The following OTUD7A variants were observed in gnomAD, a reference collection of about 807,000 sequenced individuals.
OTUD7A encodes OTU deubiquitinase 7A, also known as OTU domain-containing protein 7A.
In OTUD7A, 12 loss-of-function variants were observed where a neutral mutation model predicts 65.7. That is an observed-to-expected ratio of 0.18 (90% confidence interval 0.12 to 0.30). OTUD7A has a LOEUF of 0.30. Ranked by LOEUF, OTUD7A falls within the 10% of genes least tolerant of loss-of-function variation. The pLI is 1.00. For synonymous variants in OTUD7A, 641 were observed against 586.3 expected, an observed-to-expected ratio of 1.09 and a Z score of -1.35; for missense variants, 1,148 against 1,304.8, an observed-to-expected ratio of 0.88 and a Z score of 1.85.
chr15:31,577,873 G>A (rs1889253675), intron 3 of OTUD7A, among the ~76,000 whole-genome samples: 1 of 149,372 alleles, frequency 6.7e-6, no homozygotes, highest in African/African-American at 2.5e-5. Flanking sequence ...CCTTGGAATC[G>A]GACAAGCTGA....
intron 2 of OTUD7A, among the ~76,000 whole-genome samples, chr15:31,656,191 A>G (rs1209225479): frequency 6.6e-6 from 1 of 152,248 alleles, no homozygotes; most frequent in Non-Finnish European, 1.5e-5. Flanking sequence ...GGCTGACTGT[A>G]GCAGCTGACT....
rs551790395 is a variant in OTUD7A, at chr15:31,629,929, A to G, written c.151+25167T>C. On this transcript the variant is annotated intron_variant, in intron 3 of 12. Coordinates refer to ENST00000307050, the MANE Select transcript of OTUD7A (RefSeq NM_001382637.1). ...TGGTAGTTTGTATTTCTGTGGGATCAGTGGTGATATCCCCTTTATCATTTT... is the reference window on the plus strand; with the variant it reads ...TGGTAGTTTGTATTTCTGTGGGATCGGTGGTGATATCCCCTTTATCATTTT... 9.8e-3 allele frequency among the ~76,000 whole-genome samples: 1,484 copies of G among 152,168 alleles called. 12 individuals carry two copies. The highest frequency in any genetic ancestry group is 0.017 in the Middle Eastern group (5 of 294).
intron 3 of OTUD7A, chr15:31,649,629 T>C (rs540524466): frequency 1.0e-5 from 2 of 200,144 alleles, no homozygotes; most frequent in Non-Finnish European, 2.2e-5. Flanking sequence ...CCAAATAACT[T>C]TGACACCTTA....
intron 5 of OTUD7A, among the ~76,000 whole-genome samples, chr15:31,555,054 C>T (rs1161762019): frequency 6.6e-6 from 1 of 152,074 alleles, no homozygotes; most frequent in Non-Finnish European, 1.5e-5. Context: ...GACACAGAGG[C>T]CTCAAAAATA....
chr15:31,764,343 T>G (rs1895046541), intron 1 of OTUD7A, among the ~76,000 whole-genome samples: 1 of 152,156 alleles, frequency 6.6e-6, no homozygotes, highest in Non-Finnish European at 1.5e-5. Flanking sequence ...TAATGTTAAA[T>G]GGAACACTAT....
chr15:31,725,231 A>G (rs1893851420), intron 1 of OTUD7A, among the ~76,000 whole-genome samples: 1 of 152,176 alleles, frequency 6.6e-6, no homozygotes, highest in Non-Finnish European at 1.5e-5. Flanking sequence ...CTGCTGGGAA[A>G]CTGAACGACC....
intron 1 of OTUD7A, among the ~76,000 whole-genome samples, chr15:31,770,364 T>C (rs1215797490): frequency 6.6e-6 from 1 of 152,138 alleles, no homozygotes; most frequent in Non-Finnish European, 1.5e-5. Flanking sequence ...CCAAAGATTA[T>C]ACAAAAAGAA....
rs529086950 is a variant in OTUD7A at position 31,545,880 on chromosome 15, C to T, written c.550+13089G>A. Among the ~76,000 whole-genome samples the T allele has an allele frequency of 5.3e-5, 8 of 152,278 alleles. No individual in the cohort carries two copies. The South Asian group carries it at 1.7e-3, about 32-fold the overall frequency. On this transcript the variant is annotated intron_variant, in intron 5 of 12. Transcript: ENST00000307050. ...CAATATCACTCCTAAGTACAATTGA[C>T]CCTCTGTTATCTGTGGGTTCTGAAT... is the stretch of plus-strand genomic sequence containing the variant.
intron 8 of OTUD7A, among the ~76,000 whole-genome samples, chr15:31,507,606 A>C (rs1251488197): frequency 6.9e-6 from 1 of 145,838 alleles, no homozygotes; most frequent in African/African-American, 2.6e-5. Context: ...ATGGAACAGG[A>C]CCCGAGCAGG....
At chr15:31,836,215 T>C (rs1198174893) in intron 1 of OTUD7A, among the ~76,000 whole-genome samples, 1 of 152,040 alleles carries the variant, frequency 6.6e-6, no homozygotes, top group Admixed American at 6.6e-5. Flanking sequence ...ACTCCAAAAG[T>C]GATGTTCGGT....
At chr15:31,708,940 T>C (rs1893368374) in intron 1 of OTUD7A, among the ~76,000 whole-genome samples, 1 of 151,450 alleles carries the variant, frequency 6.6e-6, no homozygotes, top group Non-Finnish European at 1.5e-5. Context: ...TGGAGGGGAA[T>C]GTCAGAGAAG....
chr15:31,849,112 A>G (rs1316890365), intron 1 of OTUD7A, among the ~76,000 whole-genome samples: 1 of 152,206 alleles, frequency 6.6e-6, no homozygotes, highest in African/African-American at 2.4e-5. Flanking sequence ...CTTTGTGGGT[A>G]ACCCGACCTT....
intron 1 of OTUD7A, among the ~76,000 whole-genome samples, chr15:31,814,944 T>C (rs1009772659): frequency 1.2e-4 from 18 of 152,178 alleles, no homozygotes; most frequent in Admixed American, 2.0e-4. Flanking sequence ...GTAAATACCC[T>C]GCCTTGCCAT....
chr15:31,779,672 T>C (rs942631708), intron 1 of OTUD7A, among the ~76,000 whole-genome samples: 23 of 152,174 alleles, frequency 1.5e-4, no homozygotes, highest in Admixed American at 1.2e-3. Context: ...TTCTGGCTCC[T>C]AGTGCAACTT....
intron 1 of OTUD7A, among the ~76,000 whole-genome samples, chr15:31,856,607 C>G (rs1045096471): frequency 3.9e-5 from 6 of 152,184 alleles, no homozygotes; most frequent in African/African-American, 1.4e-4. Context: ...TTCCCCCAAA[C>G]AGATGGTTAC....
chr15:31,636,490 A>T (rs1440850745), intron 3 of OTUD7A, among the ~76,000 whole-genome samples: 1 of 152,190 alleles, frequency 6.6e-6, no homozygotes, highest in Non-Finnish European at 1.5e-5. Flanking sequence ...CTATTCCCTG[A>T]GACACAACAT....
intron 3 of OTUD7A, among the ~76,000 whole-genome samples, chr15:31,615,914 T>A (rs1314299573): frequency 6.6e-6 from 1 of 152,212 alleles, no homozygotes; most frequent in African/African-American, 2.4e-5. Context: ...GGGAGGTCTG[T>A]CAGGCACTGC....
At chr15:31,823,086 G>T (rs1306965486) in intron 1 of OTUD7A, among the ~76,000 whole-genome samples, 1 of 152,162 alleles carries the variant, frequency 6.6e-6, no homozygotes, top group Non-Finnish European at 1.5e-5. Context: ...CAGCCTCTCT[G>T]CAGCCTGTGT....
At chr15:31,835,992 G>C (rs943293602) in intron 1 of OTUD7A, among the ~76,000 whole-genome samples, 1 of 151,870 alleles carries the variant, frequency 6.6e-6, no homozygotes, top group African/African-American at 2.4e-5. Context: ...TGAGTATCAT[G>C]TCAGCATTCA....
Sources: gnomAD v4.1 joint callset for allele counts (sites outside exome capture counted in the v4.1 genomes callset) on GRCh38, gnomAD v4.1.1 for gene constraint, MANE v1.5 for transcripts, NCBI Gene and HGNC (gene_info 2026-07-23, HGNC 2026-07-21) for gene names.